The following CADM1 variants were observed in gnomAD, a reference collection of about 807,000 sequenced individuals.
CADM1 encodes the protein cell adhesion molecule 1.
A neutral mutation model predicts 53.1 loss-of-function variants in CADM1; 15 were observed. The ratio of observed to expected loss-of-function variants is 0.28; its 90% CI spans 0.19 to 0.44. The LOEUF is 0.44. Ranked by LOEUF, CADM1 falls within the 20% of genes least tolerant of loss-of-function variation. The probability of loss-of-function intolerance (pLI) is 1.00; values close to 1 mark genes in which losing one functional copy is unlikely to be tolerated. For synonymous variants in CADM1, 281 were observed against 243.0 expected (o/e 1.16, Z -1.45); for missense variants, 434 against 611.3 (o/e 0.71, Z 3.06).
chr11:115,423,786 A>G (rs1029073999), intron 1 of CADM1, among the ~76,000 whole-genome samples: 1 of 152,182 alleles, frequency 6.6e-6, no homozygotes, highest in African/African-American at 2.4e-5. Flanking sequence ...TATTTCTCCA[A>G]GCGTGAAAAG....
chr11:115,290,266 G>A (rs1266380283), intron 1 of CADM1, among the ~76,000 whole-genome samples: 2 of 152,168 alleles, frequency 1.3e-5, no homozygotes, highest in Non-Finnish European at 2.9e-5. Flanking sequence ...GTTCATCTAC[G>A]TGGTCTATAC....
At position 115,172,701 on chromosome 11, in the gene CADM1, A is replaced by C. The variant is rs1478022088; in HGVS notation, c.*3773T>G. On this transcript the variant is annotated 3_prime_UTR_variant, in exon 12 of 12. Transcript: ENST00000331581. ...TCCCTCACCATGCTGGACATACAGC[A>C]GGTGCTCAATAACTGCATATCTGAT... 1 of 147,382 alleles carries C rather than the reference A, an allele frequency of 6.8e-6. No homozygotes were observed. Among genetic ancestry groups the C allele is most frequent in the Non-Finnish European group, 1.5e-5 (1 of 67,456 alleles). The allele number at this position is 147,382 out of a possible 1,614,324, so 9.1% of individuals were successfully genotyped here. A position where few individuals can be genotyped will look rare whatever the true frequency, so the allele number is the denominator to read the frequency against.
chr11:115,330,925 A>G (rs78934589), intron 1 of CADM1, among the ~76,000 whole-genome samples: 1 of 152,290 alleles, frequency 6.6e-6, no homozygotes, highest in African/African-American at 2.4e-5. Context: ...ACTAACACTC[A>G]GCAGCACTGG....
chr11:115,190,643 C>G, intron 10 of CADM1: 1 of 505,778 alleles, frequency 2.0e-6, no homozygotes, highest in Non-Finnish European at 3.5e-6. Flanking sequence ...AGTACAATCC[C>G]AAAGGTAACT....
chr11:115,359,261 G>A (rs1453997730), intron 1 of CADM1, among the ~76,000 whole-genome samples: 3 of 152,128 alleles, frequency 2.0e-5, no homozygotes, highest in Non-Finnish European at 2.9e-5. Context: ...TCCACGTAGA[G>A]GGAAAGGACA....
At chr11:115,333,889 C>T (rs1162354929) in intron 1 of CADM1, among the ~76,000 whole-genome samples, 1 of 152,118 alleles carries the variant, frequency 6.6e-6, no homozygotes, top group African/African-American at 2.4e-5. Flanking sequence ...ATTTTGAAAA[C>T]AATCAGCTGA....
intron 1 of CADM1, among the ~76,000 whole-genome samples, chr11:115,253,693 T>C (rs192943212): frequency 1.3e-5 from 2 of 152,290 alleles, no homozygotes; most frequent in East Asian, 3.9e-4. Flanking sequence ...AATCTACTCA[T>C]CACAGCGGAA....
intron 1 of CADM1, among the ~76,000 whole-genome samples, chr11:115,354,029 A>C (rs1435934720): frequency 2.6e-5 from 4 of 152,366 alleles, no homozygotes; most frequent in African/African-American, 9.6e-5. Context: ...AGTGTCCAGC[A>C]CACAGTACAA....
chr11:115,185,648 G>A (rs1359015673), intron 10 of CADM1, among the ~76,000 whole-genome samples: 7 of 152,184 alleles, frequency 4.6e-5, no homozygotes, highest in African/African-American at 7.2e-5. Flanking sequence ...ATTTAACACC[G>A]CCAGAGACAC....
chr11:115,354,818 C>T (rs61905804), intron 1 of CADM1, among the ~76,000 whole-genome samples: 2 of 152,096 alleles, frequency 1.3e-5, no homozygotes, highest in African/African-American at 4.8e-5. Flanking sequence ...CAGAGTGTTT[C>T]TCCATATCAT....
intron 1 of CADM1, among the ~76,000 whole-genome samples, chr11:115,429,852 G>A (rs1947997632): frequency 6.6e-6 from 1 of 152,168 alleles, no homozygotes; most frequent in Non-Finnish European, 1.5e-5. Context: ...AAAACTCAGT[G>A]TGGTTTGTTC....
At chr11:115,425,648 T>C (rs147875032) in intron 1 of CADM1, among the ~76,000 whole-genome samples, 122 of 152,300 alleles carry the variant, frequency 8.0e-4, no homozygotes, top group African/African-American at 2.8e-3. Context: ...GTTTGTGGGA[T>C]TGTTGCTTCT....
At chr11:115,455,652 C>G (rs1417862425) in intron 1 of CADM1, among the ~76,000 whole-genome samples, 2 of 152,032 alleles carry the variant, frequency 1.3e-5, no homozygotes, top group Non-Finnish European at 1.5e-5. Context: ...AGCCTTGTCC[C>G]TAACTAAACA....
At chr11:115,324,332 G>C (rs1325343418) in intron 1 of CADM1, among the ~76,000 whole-genome samples, 1 of 151,980 alleles carries the variant, frequency 6.6e-6, no homozygotes, top group Non-Finnish European at 1.5e-5. Context: ...CTCTAAATAA[G>C]GCAAAAGAAA....
chr11:115,430,996 T>C (rs1194066754), intron 1 of CADM1, among the ~76,000 whole-genome samples: 1 of 152,218 alleles, frequency 6.6e-6, no homozygotes, highest in Non-Finnish European at 1.5e-5. Flanking sequence ...TAGTTTGATA[T>C]TATCTTCTGG....
intron 2 of CADM1, among the ~76,000 whole-genome samples, chr11:115,239,654 C>T (rs991920911): frequency 6.6e-6 from 1 of 151,632 alleles, no homozygotes; most frequent in Admixed American, 6.6e-5. Flanking sequence ...GGACAAGCAG[C>T]TGGGAAGAGA....
chr11:115,282,848 T>C (rs1943625068), intron 1 of CADM1, among the ~76,000 whole-genome samples: 2 of 152,332 alleles, frequency 1.3e-5, no homozygotes, highest in South Asian at 2.1e-4. Flanking sequence ...GACATGCTTA[T>C]ATTAAAATGG....
At chr11:115,271,427 C>T (rs544388610) in intron 1 of CADM1, among the ~76,000 whole-genome samples, 13 of 152,214 alleles carry the variant, frequency 8.5e-5, no homozygotes, top group African/African-American at 2.9e-4. Context: ...GGACTACAGG[C>T]GCCTACAACC....
intron 6 of CADM1, among the ~76,000 whole-genome samples, 165 bp from the exon 7 acceptor site, chr11:115,214,945 T>A (rs1312963040): frequency 6.6e-6 from 1 of 152,172 alleles, no homozygotes; most frequent in African/African-American, 2.4e-5. Context: ...GTATACAATT[T>A]TTTTCTTTTA....
Sources: allele counts gnomAD v4.1 joint callset (sites outside exome capture counted in the v4.1 genomes callset), GRCh38; gene constraint gnomAD v4.1.1; transcripts MANE v1.5; gene names NCBI Gene and HGNC (gene_info 2026-07-23, HGNC 2026-07-21).